SHOX: variants seen among roughly 807,000 people sequenced by gnomAD.
SHOX encodes the protein short stature homeobox protein.
SHOX carries 12 observed loss-of-function variants against 29.6 expected under a neutral mutation model. The ratio of observed to expected loss-of-function variants is 0.41; its 90% CI spans 0.26 to 0.66. The LOEUF is 0.66. Ranked by LOEUF, SHOX falls within the 30% of genes least tolerant of loss-of-function variation. The probability of loss-of-function intolerance (pLI) is 0.35; values close to 1 mark genes in which losing one functional copy is unlikely to be tolerated. For synonymous variants in SHOX, 214 were observed against 200.6 expected (o/e 1.07, Z -0.57); for missense variants, 499 against 437.7 (o/e 1.14, Z -1.25).
At chrX:651,707 G>A (rs2053067617), downstream of SHOX, among the ~76,000 whole-genome samples, 2 of 148,428 alleles carry the variant, frequency 1.3e-5, no homozygotes, top group Admixed American at 6.8e-5. Flanking sequence ...GTTCTGCTCC[G>A]TGCATTTCCA....
At chrX:630,647 C>T, upstream of SHOX, 1 of 599,312 alleles carries the variant, frequency 1.7e-6, no homozygotes, top group Non-Finnish European at 3.0e-6. Flanking sequence ...AAGCCAATTG[C>T]CGGCCTGGGG....
rs1569495738 is a variant in SHOX at position 649,019 on chromosome X, CTT to C, written c.*4387_*4388del. 1.2e-4 allele frequency among the ~76,000 whole-genome samples: 11 copies of C among 94,808 alleles called. No individual in the cohort carries two copies. The highest frequency in any genetic ancestry group is 4.4e-4 in the African/African-American group (11 of 24,746). The allele number at this position is 94,808 out of a possible 152,430, so 62.2% of individuals were successfully genotyped here. ...CTTTTCCTTTTTTGTTTCTTTCTTTCTTTTTCTTTCTTTCTTTTTCTTTCTTC... is the reference window on the plus strand; with the variant it reads ...CTTTTCCTTTTTTGTTTCTTTCTTTCTTTCTTTCTTTCTTTTTCTTTCTTC... On this transcript the variant is annotated 3_prime_UTR_variant, in exon 5 of 5. Coordinates refer to ENST00000686671, the MANE Select transcript of SHOX (RefSeq NM_000451.4).
chrX:640,680 GTGTC>G, intron 2 of SHOX, 137 bp from the exon 3 acceptor site: 1 of 850,178 alleles, frequency 1.2e-6, no homozygotes, highest in Non-Finnish European at 2.0e-6. Flanking sequence ...GGGGCGGTAA[GTGTC>G]TGGGCGCCCA....
Position 650,812 on chromosome X carries a change from A to AAAAAAAAAC in SHOX, c.*6183_*6184insACAAAAAAA, listed in dbSNP as rs2053048827. ...GACATTAAAAAAAAAAAAAAAAAAA[A>AAAAAAAAAC]AAAAAAACTGGTGCCTAATTTATTA... On this transcript the variant is annotated 3_prime_UTR_variant, in exon 5 of 5. Transcript: ENST00000686671. Among the ~76,000 whole-genome samples, 1 of 139,342 alleles carries AAAAAAAAAC rather than the reference A, an allele frequency of 7.2e-6. No individual in the cohort carries two copies. Among genetic ancestry groups the AAAAAAAAAC allele is most frequent in the Non-Finnish European group, 1.6e-5 (1 of 60,666 alleles). The allele number at this position is 139,342 out of a possible 152,430, so 91.4% of individuals were successfully genotyped here.
intron 2 of SHOX, among the ~76,000 whole-genome samples, chrX:636,478 T>C (rs1334382268): frequency 3.8e-5 from 1 of 26,566 alleles, no homozygotes; most frequent in South Asian, 1.2e-3. Flanking sequence ...CATATATACA[T>C]ATAAAATATA....
intron 2 of SHOX, among the ~76,000 whole-genome samples, chrX:636,876 T>A (rs1230379501): frequency 1.4e-5 from 2 of 145,640 alleles, no homozygotes; most frequent in Non-Finnish European, 3.0e-5. Flanking sequence ...AACTTTTCCA[T>A]CGATGTTGCT....
intron 3 of SHOX, 24 bp downstream of exon 3, chrX:640,902 C>A: frequency 6.2e-7 from 1 of 1,613,872 alleles, no homozygotes; most frequent in South Asian, 1.1e-5. Flanking sequence ...CTGGGGGGAC[C>A]TGAAGCTGGG....
chrX:634,977 G>C lies in SHOX; in HGVS notation c.486+151G>C, dbSNP rs1044857814. ...GGTGAGGGACGGGCTGGGGTTCCTGGACTTTTGGAGACGCCTGAGGCCTGT... is the reference window on the plus strand; with the variant it reads ...GGTGAGGGACGGGCTGGGGTTCCTGCACTTTTGGAGACGCCTGAGGCCTGT... On this transcript the variant is annotated intron_variant, in intron 2 of 4. Coordinates refer to ENST00000686671, the MANE Select transcript of SHOX (RefSeq NM_000451.4). 1.3e-5 allele frequency: 9 copies of C among 719,990 alleles called. No homozygotes were observed. In the Admixed American group the frequency reaches 1.4e-4, roughly 11 times the overall value. 44.6% of individuals were successfully genotyped at this position (719,990 alleles called of 1,614,324 possible).
intron 1 of SHOX, among the ~76,000 whole-genome samples, chrX:625,056 TTCCTCCCTCCCTCCCTCCTTCTC>T (rs1173294637): frequency 1.9e-5 from 1 of 51,754 alleles, no homozygotes; most frequent in Non-Finnish European, 3.6e-5. Flanking sequence ...CCTCTGTTCC[TTCCTCCCTCCCTCCCTCCTTCTC>T]TCCCTCCCTC....
intron 4 of SHOX, among the ~76,000 whole-genome samples, chrX:641,936 C>T (rs902107496): frequency 3.9e-5 from 6 of 152,142 alleles, no homozygotes; most frequent in Non-Finnish European, 7.4e-5. Context: ...GTCTGCCTGG[C>T]CCCTGGCCCC....
At chrX:627,742 T>C (rs567397482), upstream of SHOX, among the ~76,000 whole-genome samples, 16 of 152,234 alleles carry the variant, frequency 1.1e-4, no homozygotes, top group African/African-American at 3.6e-4. Context: ...CGGAGTTTCC[T>C]ACTAGACAAA....
chrX:625,034 T>TTTCCTTTCCTCCCTCTG lies in SHOX; in HGVS notation c.-433+439_-433+455dup, dbSNP rs1191521543. 6.9e-5 allele frequency among the ~76,000 whole-genome samples: 8 copies of TTTCCTTTCCTCCCTCTG among 116,246 alleles called. No individual in the cohort carries two copies. In the East Asian group the frequency reaches 7.3e-4, roughly 11 times the overall value. The allele number at this position is 116,246 out of a possible 152,430, so 76.3% of individuals were successfully genotyped here. Reference sequence around the variant, plus strand: ...CTTCCTTCCTTCTCTCCCTCCCTCCTTTCCTTTCCTCCCTCTGTTCCTTCC... The same window carrying TTTCCTTTCCTCCCTCTG: ...CTTCCTTCCTTCTCTCCCTCCCTCCTTTCCTTTCCTCCCTCTGTTCCTTTCCTCCCTCTGTTCCTTCC... On this transcript the variant is annotated intron_variant, in intron 1 of 5. Transcript: ENST00000334060.
In SHOX at chrX:636,635, AAG is replaced by A. The variant is rs1222220266; in HGVS notation, c.486+1811_486+1812del. 0.017 allele frequency among the ~76,000 whole-genome samples: 251 copies of A among 14,538 alleles called. 105 individuals are homozygous for A. The African/African-American group carries it at 0.19, about 11-fold the overall frequency. 9.5% of individuals were successfully genotyped at this position (14,538 alleles called of 152,430 possible). On this transcript the variant is annotated intron_variant, in intron 2 of 4. Transcript: ENST00000686671. ...ATATATAAACATATATATACATATA[AAG>A]AAATATATATAAACATATATACATA...
downstream of SHOX, among the ~76,000 whole-genome samples, chrX:656,290 A>AT (rs2053145706): frequency 3.1e-5 from 3 of 98,262 alleles, no homozygotes; most frequent in South Asian, 3.6e-4. Flanking sequence ...AAAAATCAAA[A>AT]ATTTAGCCAG....
At chrX:627,919 C>T (rs2052567461), upstream of SHOX, among the ~76,000 whole-genome samples, 1 of 152,166 alleles carries the variant, frequency 6.6e-6, no homozygotes, top group Non-Finnish European at 1.5e-5. Flanking sequence ...GTTTACGGCG[C>T]AGTCCCTGGG....
At chrX:640,676 G>T (rs1443630391) in intron 2 of SHOX, 145 bp from the exon 3 acceptor site, 3 of 828,426 alleles carry the variant, frequency 3.6e-6, no homozygotes, top group Non-Finnish European at 6.3e-6. Flanking sequence ...CAGAGGGGCG[G>T]TAAGTGTCTG....
At chrX:653,743 C>T (rs1380911862), downstream of SHOX, among the ~76,000 whole-genome samples, 1 of 152,094 alleles carries the variant, frequency 6.6e-6, no homozygotes, top group African/African-American at 2.4e-5. Context: ...CACAAAAAGC[C>T]ACGGACTTCG....
intron 1 of SHOX, among the ~76,000 whole-genome samples, chrX:633,219 G>A (rs1384630921): frequency 1.8e-4 from 28 of 152,068 alleles, no homozygotes; most frequent in Admixed American, 7.9e-4. Flanking sequence ...TGGGAACAGC[G>A]TGTCCCCGCC....
chrX:638,806 T>C (rs1362983399), intron 2 of SHOX, among the ~76,000 whole-genome samples: 1 of 152,204 alleles, frequency 6.6e-6, no homozygotes, highest in Non-Finnish European at 1.5e-5. Context: ...ACCCAGCACG[T>C]GTTTTGCCCA....
Sources: allele counts gnomAD v4.1 joint callset (sites outside exome capture counted in the v4.1 genomes callset), GRCh38; gene constraint gnomAD v4.1.1; transcripts MANE v1.5; gene names NCBI Gene and HGNC (gene_info 2026-07-23, HGNC 2026-07-21).